ADCY3: variants seen among roughly 807,000 people sequenced by gnomAD.
The protein encoded by ADCY3 is adenylate cyclase type 3.
In ADCY3, 70 loss-of-function variants were observed where a neutral mutation model predicts 119.4. That is an observed-to-expected ratio of 0.59 (90% CI 0.48 to 0.72). The LOEUF (loss-of-function observed/expected upper bound fraction) is 0.72, where lower values mean the gene tolerates loss of function less well. ADCY3 is among the 30% of genes least tolerant of loss of function. The pLI, the probability that ADCY3 is intolerant of heterozygous loss-of-function variation, is 0.00. For missense variants in ADCY3, 1,238 were observed against 1,541.6 expected (o/e 0.80, Z 3.30); for synonymous variants, 672 against 621.4 (o/e 1.08, Z -1.21).
chr2:24,845,816 T>C (rs973703747), intron 3 of ADCY3, among the ~76,000 whole-genome samples: 14 of 152,066 alleles, frequency 9.2e-5, no homozygotes, highest in African/African-American at 3.4e-4. Context: ...GAGGAAAAAG[T>C]AGTTTCGTGG....
At chr2:24,894,302 G>A (rs1001147536) in intron 2 of ADCY3, among the ~76,000 whole-genome samples, 1 of 152,142 alleles carries the variant, frequency 6.6e-6, no homozygotes, top group African/African-American at 2.4e-5. Flanking sequence ...GGGCAACGTG[G>A]TGAGACTCTA....
intron 3 of ADCY3, among the ~76,000 whole-genome samples, chr2:24,868,165 G>A (rs1024704497): frequency 6.6e-5 from 10 of 151,974 alleles, no homozygotes; most frequent in Non-Finnish European, 1.3e-4. Context: ...CAACATAATT[G>A]TAAACAAATC....
intron 17 of ADCY3, among the ~76,000 whole-genome samples, chr2:24,823,611 C>G (rs982510881): frequency 2.0e-5 from 3 of 150,868 alleles, no homozygotes; most frequent in African/African-American, 7.3e-5. Context: ...CACCAGGTAT[C>G]TGGGACCACA....
chr2:24,901,216 T>C (rs1174140894), intron 2 of ADCY3, among the ~76,000 whole-genome samples: 1 of 152,122 alleles, frequency 6.6e-6, no homozygotes, highest in Non-Finnish European at 1.5e-5. Flanking sequence ...CCTCCAGAAA[T>C]CAACTGACGT....
At chr2:24,827,442 G>C in intron 15 of ADCY3, 104 bp downstream of exon 15, 2 of 1,278,514 alleles carry the variant, frequency 1.6e-6, no homozygotes, top group East Asian at 2.5e-5. Flanking sequence ...ATCAGGTCAC[G>C]TGCCTCCCGG....
intron 3 of ADCY3, among the ~76,000 whole-genome samples, chr2:24,845,932 G>T (rs1671604883): frequency 6.6e-6 from 1 of 152,268 alleles, no homozygotes; most frequent in Non-Finnish European, 1.5e-5. Context: ...CTGGGCTGTG[G>T]CTTCAGAGGG....
intron 7 of ADCY3, among the ~76,000 whole-genome samples, chr2:24,839,243 T>A (rs1385469190): frequency 6.6e-6 from 1 of 152,078 alleles, no homozygotes; most frequent in African/African-American, 2.4e-5. Flanking sequence ...GATCCAATTA[T>A]CCCCCACCTT....
chr2:24,844,030 G>C (rs1358724378), intron 3 of ADCY3, among the ~76,000 whole-genome samples: 2 of 152,162 alleles, frequency 1.3e-5, no homozygotes, highest in Non-Finnish European at 2.9e-5. Flanking sequence ...AAGGCCAAGG[G>C]GCATGAGAAC....
intron 3 of ADCY3, among the ~76,000 whole-genome samples, chr2:24,851,513 C>T (rs1447476247): frequency 6.6e-6 from 1 of 152,188 alleles, no homozygotes; most frequent in Non-Finnish European, 1.5e-5. Context: ...TGTTACACAT[C>T]CCAAAGGGTT....
Position 24,842,163 on chromosome 2 carries a change from C to A in ADCY3, c.956+91G>T. ...CTTGCTTCTAGTCCCTGGAAAACCT[C>A]TTGAAGCCCACAGCACCTAGCGGGT... On this transcript the variant is annotated intron_variant, in intron 4 of 21. Transcript: ENST00000679454. The surrounding 1 kb of genome is among the most constrained non-coding windows in gnomAD (Gnocchi z 4.9). The A allele has an allele frequency of 5.7e-6, 9 of 1,576,022 alleles. No individual in the cohort carries two copies. Among genetic ancestry groups the A allele is most frequent in the Non-Finnish European group, 7.8e-6 (9 of 1,160,568 alleles).
intron 2 of ADCY3, among the ~76,000 whole-genome samples, chr2:24,892,682 A>G (rs1677813066): frequency 6.6e-6 from 1 of 152,214 alleles, no homozygotes; most frequent in African/African-American, 2.4e-5. Flanking sequence ...CAGCTTTGTC[A>G]TTAGGTGCAT....
chr2:24,875,600 C>T (rs540892297), intron 2 of ADCY3, among the ~76,000 whole-genome samples: 7 of 152,344 alleles, frequency 4.6e-5, no homozygotes, highest in East Asian at 3.9e-4. Context: ...GGGGTGCTCA[C>T]GCAGCGACGG....
At chr2:24,826,169 C>G in intron 15 of ADCY3, 43 bp from the exon 16 acceptor site, 1 of 1,570,176 alleles carries the variant, frequency 6.4e-7, no homozygotes, top group South Asian at 1.1e-5. Context: ...TGTCATCTGC[C>G]TCCTGGAGGG....
rs191834171 is a variant in ADCY3 at position 24,890,176 on chromosome 2, A to G, written c.676-17457T>C. Among the ~76,000 whole-genome samples the G allele has an allele frequency of 2.4e-3, 368 of 152,186 alleles. 2 individuals are homozygous for G. The highest frequency in any genetic ancestry group is 8.4e-3 in the African/African-American group (350 of 41,528). The stretch of plus-strand genomic sequence containing the variant: ...ACCCTGCATTCCTGTGCAAATCCCT[A>G]CTTGGTCATTATATATTATTCTTTT... On this transcript the variant is annotated intron_variant, in intron 2 of 21. Coordinates refer to ENST00000679454, the MANE Select transcript of ADCY3 (RefSeq NM_004036.5).
chr2:24,912,459 C>T (rs1385825924), intron 2 of ADCY3, among the ~76,000 whole-genome samples: 3 of 152,196 alleles, frequency 2.0e-5, no homozygotes, highest in Non-Finnish European at 4.4e-5. Flanking sequence ...GAAGAAACTG[C>T]AGAATGCCAA....
rs1229169387 is a variant in ADCY3, at chr2:24,878,226, A to G, written c.676-5507T>C. Reference sequence around the variant, plus strand: ...GTCATCTAACCCATGACAGCCTGATAAAGTGTTTCTAATATCCCGGCTCAG... The same window carrying G: ...GTCATCTAACCCATGACAGCCTGATGAAGTGTTTCTAATATCCCGGCTCAG... On this transcript the variant is annotated intron_variant, in intron 2 of 21. Coordinates refer to ENST00000679454, the MANE Select transcript of ADCY3 (RefSeq NM_004036.5). The surrounding 1 kb of genome is among the most constrained non-coding windows in gnomAD (Gnocchi z 4.0). Among the ~76,000 whole-genome samples, 2 of 152,174 alleles carry G rather than the reference A, an allele frequency of 1.3e-5. No homozygotes were observed. Among genetic ancestry groups the G allele is most frequent in the African/African-American group, 4.8e-5 (2 of 41,426 alleles).
intron 3 of ADCY3, among the ~76,000 whole-genome samples, chr2:24,846,347 C>T (rs768494025): frequency 6.6e-5 from 10 of 152,154 alleles, no homozygotes; most frequent in Admixed American, 1.3e-4. Context: ...CAGAGCTGCC[C>T]GAGACTATGG....
chr2:24,828,747 C>T (rs542362375), intron 13 of ADCY3, among the ~76,000 whole-genome samples: 12 of 152,352 alleles, frequency 7.9e-5, no homozygotes, highest in East Asian at 3.9e-4. Flanking sequence ...GTCTTGCTTG[C>T]GCGATTCCCG....
At chr2:24,829,594 T>A (rs1434484129) in intron 13 of ADCY3, among the ~76,000 whole-genome samples, 2 of 151,702 alleles carry the variant, frequency 1.3e-5, no homozygotes, top group African/African-American at 4.8e-5. Flanking sequence ...CTAATTTTTT[T>A]GTATTTTTAG....
Sources: allele counts gnomAD v4.1 joint callset (sites outside exome capture counted in the v4.1 genomes callset), GRCh38; gene constraint gnomAD v4.1.1; non-coding constraint Gnocchi (gnomAD v3.1); transcripts MANE v1.5; gene names NCBI Gene and HGNC (gene_info 2026-07-23, HGNC 2026-07-21).